The following FRMD4A variants were observed in gnomAD, a reference collection of about 807,000 sequenced individuals.
FRMD4A encodes FERM domain-containing protein 4A.
Under a neutral mutation model 129.1 loss-of-function variants are expected in FRMD4A, and 29 were observed. That is an observed-to-expected ratio of 0.22 (90% confidence interval 0.17 to 0.31). The LOEUF is 0.31. FRMD4A is among the 10% of genes least tolerant of loss of function. The pLI, the probability that FRMD4A is intolerant of heterozygous loss-of-function variation, is 1.00. For missense variants in FRMD4A, 1,272 were observed against 1,375.8 expected, an observed-to-expected ratio of 0.92 and a Z score of 1.19; for synonymous variants, 634 against 571.6, an observed-to-expected ratio of 1.11 and a Z score of -1.56.
At chr10:14,143,326 G>A (rs1226051580) in intron 2 of FRMD4A, among the ~76,000 whole-genome samples, 1 of 152,210 alleles carries the variant, frequency 6.6e-6, no homozygotes, top group Non-Finnish European at 1.5e-5. Context: ...CCTGAGACAG[G>A]CTACACATGG....
At chr10:14,137,816 G>A (rs996703444) in intron 2 of FRMD4A, among the ~76,000 whole-genome samples, 1 of 152,104 alleles carries the variant, frequency 6.6e-6, no homozygotes, top group African/African-American at 2.4e-5. Context: ...CTAGCTAAAA[G>A]CATTTTTTTT....
intron 2 of FRMD4A, among the ~76,000 whole-genome samples, chr10:13,947,690 T>G (rs1339965619): frequency 6.6e-6 from 1 of 152,046 alleles, no homozygotes; most frequent in Non-Finnish European, 1.5e-5. Flanking sequence ...AGCAGAAGCC[T>G]CCAGTGTTTA....
chr10:14,146,220 C>A (rs1840068042), intron 2 of FRMD4A, among the ~76,000 whole-genome samples: 1 of 152,172 alleles, frequency 6.6e-6, no homozygotes, highest in South Asian at 2.1e-4. Context: ...AACATCTGCT[C>A]CTGTCTTCGT....
At chr10:13,844,105 G>A (rs10906513) in intron 3 of FRMD4A, among the ~76,000 whole-genome samples, 39,874 of 151,946 alleles carry the variant, frequency 0.26, 5,572 homozygotes, top group Middle Eastern at 0.38. Context: ...ATATGAATGC[G>A]TATGTGAGTG....
chr10:14,097,623 TTATAGA>T (rs1368514480), intron 2 of FRMD4A, among the ~76,000 whole-genome samples: 5 of 152,046 alleles, frequency 3.3e-5, no homozygotes, highest in Non-Finnish European at 5.9e-5. Context: ...ATTATTATAC[TTATAGA>T]TATATTATGT....
intron 2 of FRMD4A, among the ~76,000 whole-genome samples, chr10:14,198,229 C>G (rs975747803): frequency 6.6e-6 from 1 of 152,218 alleles, no homozygotes; most frequent in Admixed American, 6.5e-5. Flanking sequence ...AACAGATCTC[C>G]TCAAGGACTG....
At chr10:13,748,355 G>T (rs1451811864) in intron 8 of FRMD4A, among the ~76,000 whole-genome samples, 1 of 152,172 alleles carries the variant, frequency 6.6e-6, no homozygotes, top group East Asian at 1.9e-4. Context: ...AATAAATACT[G>T]ATGGAGTCTC....
At chr10:13,916,363 T>A (rs1260468785) in intron 2 of FRMD4A, among the ~76,000 whole-genome samples, 3 of 152,204 alleles carry the variant, frequency 2.0e-5, no homozygotes, top group African/African-American at 4.8e-5. Flanking sequence ...TGCTTCTACA[T>A]CTACTCTTAA....
intron 2 of FRMD4A, among the ~76,000 whole-genome samples, chr10:14,328,839 C>T (rs1168899927): frequency 6.6e-6 from 1 of 152,122 alleles, no homozygotes; most frequent in Non-Finnish European, 1.5e-5. Context: ...AAAGTATCAT[C>T]AGACGATAGA....
chr10:13,764,197 G>GTGTT (rs1412168824), intron 6 of FRMD4A, among the ~76,000 whole-genome samples: 1 of 151,434 alleles, frequency 6.6e-6, no homozygotes, highest in Non-Finnish European at 1.5e-5. Context: ...GTGTGTGTGT[G>GTGTT]TGTGTGTGTG....
chr10:13,942,936 A>T (rs2095304275), intron 2 of FRMD4A, among the ~76,000 whole-genome samples: 1 of 151,042 alleles, frequency 6.6e-6, no homozygotes, highest in South Asian at 2.2e-4. Flanking sequence ...CATCTCAACA[A>T]AAAGGCAAAA....
At chr10:14,009,262 A>G (rs911347780) in intron 2 of FRMD4A, among the ~76,000 whole-genome samples, 3 of 152,208 alleles carry the variant, frequency 2.0e-5, no homozygotes, top group African/African-American at 7.2e-5. Flanking sequence ...AGAAAAAATT[A>G]CTACAAAGAA....
intron 2 of FRMD4A, among the ~76,000 whole-genome samples, chr10:14,167,161 C>T (rs1301207885): frequency 6.6e-6 from 1 of 152,128 alleles, no homozygotes; most frequent in East Asian, 1.9e-4. Flanking sequence ...ACTGATTTGA[C>T]TATATGAAAG....
chr10:14,110,101 G>C (rs546880649), intron 2 of FRMD4A, among the ~76,000 whole-genome samples: 5 of 109,218 alleles, frequency 4.6e-5, no homozygotes, highest in Admixed American at 1.1e-4. Context: ...TATATTCCAG[G>C]CTGGGCAACA....
chr10:13,769,790 T>G (rs2130732499), intron 6 of FRMD4A, among the ~76,000 whole-genome samples: 1 of 152,254 alleles, frequency 6.6e-6, no homozygotes, highest in Non-Finnish European at 1.5e-5. Context: ...CCTTTTTTCA[T>G]TTTTCTTTCT....
intron 2 of FRMD4A, among the ~76,000 whole-genome samples, chr10:13,963,619 T>C (rs2095462294): frequency 6.6e-6 from 1 of 152,226 alleles, no homozygotes; most frequent in Non-Finnish European, 1.5e-5. Flanking sequence ...TAACTAATCA[T>C]GTGGACAGCT....
intron 2 of FRMD4A, among the ~76,000 whole-genome samples, chr10:14,010,734 T>C (rs1419721866): frequency 7.2e-6 from 1 of 138,336 alleles, no homozygotes; most frequent in Admixed American, 8.0e-5. Context: ...GGTCTTGAAC[T>C]CCTGGGCTCA....
intron 3 of FRMD4A, among the ~76,000 whole-genome samples, chr10:13,842,408 G>A (rs1195866223): frequency 6.6e-6 from 1 of 152,204 alleles, no homozygotes; most frequent in East Asian, 1.9e-4. Flanking sequence ...CCTTCTGATG[G>A]TCCCAGCCCC....
rs1320025585 is a variant in FRMD4A at position 13,701,609 on chromosome 10, ATACACCTAGGCG to A, written c.837-143_837-132del. 5.6e-5 allele frequency: 42 copies of A among 752,140 alleles called. No homozygotes were observed. The Admixed American group carries it at 9.7e-4, about 17-fold the overall frequency. 46.6% of individuals were successfully genotyped at this position (752,140 alleles called of 1,614,324 possible). On this transcript the variant is annotated intron_variant, in intron 13 of 24. Transcript: ENST00000357447. Reference sequence around the variant, plus strand: ...GTAAAGATGATAGATGAGCTCTCACATACACCTAGGCGTACACACACACACATGCGCACACAG... The same window carrying A: ...GTAAAGATGATAGATGAGCTCTCACATACACACACACACATGCGCACACAG...
Sources: gnomAD v4.1 joint callset for allele counts (sites outside exome capture counted in the v4.1 genomes callset) on GRCh38, gnomAD v4.1.1 for gene constraint, MANE v1.5 for transcripts, NCBI Gene and HGNC (gene_info 2026-07-23, HGNC 2026-07-21) for gene names.